The following TANC2 variants were observed in gnomAD, a reference collection of about 807,000 sequenced individuals.
The protein encoded by TANC2 is tetratricopeptide repeat, ankyrin repeat and coiled-coil containing 2.
Under a neutral mutation model 210.5 loss-of-function variants are expected in TANC2, and 26 were observed. The ratio of observed to expected loss-of-function variants is 0.12; its 90% CI spans 0.09 to 0.17. The LOEUF (loss-of-function observed/expected upper bound fraction) is 0.17, where lower values mean the gene tolerates loss of function less well. Among genes scored for constraint, TANC2 ranks in the 10% least tolerant of loss-of-function variants. The pLI is 1.00. For missense variants in TANC2, 2,129 were observed against 2,608.9 expected, an observed-to-expected ratio of 0.82 and a Z score of 4.01; for synonymous variants, 931 against 967.1, an observed-to-expected ratio of 0.96 and a Z score of 0.69.
intron 9 of TANC2, among the ~76,000 whole-genome samples, chr17:63,271,317 C>T (rs118099714): frequency 0.14 from 21,545 of 152,040 alleles, 1,976 homozygotes; most frequent in Middle Eastern, 0.21. Flanking sequence ...TCCACAGCTT[C>T]GCCAACATCT....
intron 9 of TANC2, among the ~76,000 whole-genome samples, chr17:63,308,305 C>T (rs900720570): frequency 5.9e-5 from 9 of 152,166 alleles, no homozygotes; most frequent in African/African-American, 2.2e-4. Flanking sequence ...AGTTTTTTGA[C>T]AGGTCCTACA....
intron 4 of TANC2, among the ~76,000 whole-genome samples, chr17:63,124,183 T>C (rs1325688718): frequency 6.6e-6 from 1 of 152,044 alleles, no homozygotes; most frequent in Non-Finnish European, 1.5e-5. Flanking sequence ...ATGAAGAATT[T>C]AGGCATAAGA....
chr17:63,011,086 G>A (rs2033848816), intron 2 of TANC2, among the ~76,000 whole-genome samples: 1 of 152,080 alleles, frequency 6.6e-6, no homozygotes, highest in Admixed American at 6.6e-5. Flanking sequence ...CCTGTCCTGA[G>A]GCTATTCAGG....
intron 5 of TANC2, among the ~76,000 whole-genome samples, chr17:63,187,596 CACAT>C (rs1410392973): frequency 1.3e-5 from 2 of 151,814 alleles, no homozygotes; most frequent in Non-Finnish European, 2.9e-5. Context: ...TATATACAGA[CACAT>C]ACACATATGT....
intron 5 of TANC2, chr17:63,154,173 A>G (rs1182791419): frequency 6.6e-6 from 1 of 152,182 alleles, no homozygotes; most frequent in Non-Finnish European, 1.5e-5. Flanking sequence ...AACTACCAGA[A>G]TAAAGGGGAT....
intron 1 of TANC2, among the ~76,000 whole-genome samples, chr17:63,005,900 G>GTGTGTA (rs2033605262): frequency 1.7e-5 from 1 of 60,166 alleles, no homozygotes; most frequent in East Asian, 2.6e-4. Context: ...TATAGTTTGT[G>GTGTGTA]TGTGTGTGTG....
At chr17:63,071,249 A>G (rs759244736) in intron 2 of TANC2, among the ~76,000 whole-genome samples, 5 of 152,154 alleles carry the variant, frequency 3.3e-5, no homozygotes, top group Non-Finnish European at 5.9e-5. Flanking sequence ...AAGCATGGGT[A>G]TACAGAATGT....
At chr17:63,273,010 A>G (rs1477433106) in intron 9 of TANC2, among the ~76,000 whole-genome samples, 1 of 152,108 alleles carries the variant, frequency 6.6e-6, no homozygotes, top group Admixed American at 6.6e-5. Context: ...ACAGGCGGCT[A>G]TGGCTGTCCC....
At chr17:62,972,067 C>T (rs147717414) in intron 1 of TANC2, among the ~76,000 whole-genome samples, 7 of 151,972 alleles carry the variant, frequency 4.6e-5, no homozygotes, top group East Asian at 3.9e-4. Flanking sequence ...AAGCAGGTTA[C>T]GCAATTAGTG....
chr17:63,153,991 A>G (rs1046595034), intron 5 of TANC2: 2 of 151,000 alleles, frequency 1.3e-5, no homozygotes, highest in Non-Finnish European at 3.0e-5. Context: ...TTGAGCTGGA[A>G]TATTAAATTG....
chr17:63,404,663 T>C (rs1265640755), intron 19 of TANC2, among the ~76,000 whole-genome samples: 2 of 152,058 alleles, frequency 1.3e-5, no homozygotes. Context: ...TCTCTAGGCT[T>C]AAGAGCCCAG....
At chr17:62,994,607 T>C (rs911314067) in intron 1 of TANC2, among the ~76,000 whole-genome samples, 5 of 152,184 alleles carry the variant, frequency 3.3e-5, no homozygotes, top group South Asian at 2.1e-4. Flanking sequence ...TCTGTGTCTA[T>C]GGAGGTAATT....
At chr17:63,357,694 C>T (rs2046819246) in intron 14 of TANC2, among the ~76,000 whole-genome samples, 1 of 152,218 alleles carries the variant, frequency 6.6e-6, no homozygotes, top group African/African-American at 2.4e-5. Context: ...CTCCCTAGGT[C>T]AATGAGATGG....
chr17:63,046,323 C>CTTT (rs1568341717), intron 2 of TANC2, among the ~76,000 whole-genome samples: 23 of 46,294 alleles, frequency 5.0e-4, no homozygotes, highest in Admixed American at 1.0e-3. Flanking sequence ...CCACACCCAG[C>CTTT]TCTTTTTTTT....
intron 2 of TANC2, among the ~76,000 whole-genome samples, chr17:63,067,126 C>A (rs567368079): frequency 1.3e-5 from 2 of 152,162 alleles, no homozygotes; most frequent in Non-Finnish European, 2.9e-5. Context: ...TTAAAGAAGA[C>A]TTGGAGTTTC....
intron 11 of TANC2, among the ~76,000 whole-genome samples, chr17:63,325,677 T>C (rs1272933559): frequency 1.3e-5 from 2 of 152,214 alleles, no homozygotes; most frequent in African/African-American, 2.4e-5. Flanking sequence ...TCAATTAATA[T>C]TTGTGAATGA....
intron 6 of TANC2, 34 bp downstream of exon 6, chr17:63,194,173 G>A (rs775074835): frequency 4.4e-6 from 7 of 1,595,326 alleles, no homozygotes; most frequent in South Asian, 2.3e-5. Flanking sequence ...GTGAAACATG[G>A]TGTGAATCAG....
chr17:63,161,046 G>A (rs1049379757), intron 5 of TANC2, among the ~76,000 whole-genome samples: 1 of 152,156 alleles, frequency 6.6e-6, no homozygotes, highest in African/African-American at 2.4e-5. Flanking sequence ...CTTGCCAAAC[G>A]AAAAAGGATG....
intron 3 of TANC2, among the ~76,000 whole-genome samples, chr17:63,076,284 G>C (rs2036569801): frequency 6.6e-6 from 1 of 152,110 alleles, no homozygotes; most frequent in African/African-American, 2.4e-5. Flanking sequence ...GCATAGTTGA[G>C]GGCAGAAGTC....
Sources: gnomAD v4.1 joint callset for allele counts (sites outside exome capture counted in the v4.1 genomes callset) on GRCh38, gnomAD v4.1.1 for gene constraint, MANE v1.5 for transcripts, NCBI Gene and HGNC (gene_info 2026-07-23, HGNC 2026-07-21) for gene names.